KHDRBS1: variants seen among roughly 807,000 people sequenced by gnomAD.
The protein encoded by KHDRBS1 is KH RNA binding domain containing, signal transduction associated 1.
In KHDRBS1, 7 loss-of-function variants were observed where a neutral mutation model predicts 48.4. The observed-to-expected ratio is 0.14, with a 90% CI of 0.08 to 0.27. The LOEUF is 0.27. Among genes scored for constraint, KHDRBS1 ranks in the 10% least tolerant of loss-of-function variants. The pLI, the probability that KHDRBS1 is intolerant of heterozygous loss-of-function variation, is 1.00. For missense variants in KHDRBS1, 458 were observed against 601.2 expected (o/e 0.76, Z 2.49); for synonymous variants, 241 against 235.8 (o/e 1.02, Z -0.20).
At position 32,042,484 on chromosome 1, in the gene KHDRBS1, C is replaced by T. The variant is rs1403277235; in HGVS notation, c.1235-43C>T. 4 of 1,331,976 alleles carry T rather than the reference C, an allele frequency of 3.0e-6. No individual in the cohort carries two copies. In the South Asian group the frequency reaches 3.5e-5, roughly 12 times the overall value. The allele number at this position is 1,331,976 out of a possible 1,614,324, so 82.5% of individuals were successfully genotyped here. On this transcript the variant is annotated intron_variant, in intron 8 of 8. Transcript: ENST00000327300. ...ACCTATCCCTGCTTATCCCTAAGTG[C>T]TGTCGCCACATGGTTTATAAACTGT... is the stretch of plus-strand genomic sequence containing the variant.
chr1:32,021,642 G>C (rs1638860557), intron 1 of KHDRBS1, among the ~76,000 whole-genome samples: 1 of 151,968 alleles, frequency 6.6e-6, no homozygotes, highest in Non-Finnish European at 1.5e-5. Context: ...TTTGAAACAG[G>C]TTCTCACTAT....
At position 32,053,429 on chromosome 1, in the gene KHDRBS1, C is replaced by T. The variant is rs1401674165; in HGVS notation, n.1302-6734C>T. 3.3e-5 allele frequency among the ~76,000 whole-genome samples: 5 copies of T among 152,192 alleles called. No homozygotes were observed. In the East Asian group the frequency reaches 9.7e-4, roughly 29 times the overall value. On this transcript the variant is annotated intron_variant and non_coding_transcript_variant, in intron 10 of 10. Transcript: ENST00000484270. ...AATTACAGATGGGGTCTTGCTTTGC[C>T]ACCCAGGCTGGAGTGCGGTGGTGTG... is the stretch of plus-strand genomic sequence containing the variant.
chr1:32,030,870 T>A (rs957097499), intron 2 of KHDRBS1, among the ~76,000 whole-genome samples: 2 of 152,150 alleles, frequency 1.3e-5, no homozygotes, highest in African/African-American at 4.8e-5. Flanking sequence ...AGCATTTAGT[T>A]ACATTTAGTT....
intron 1 of KHDRBS1, among the ~76,000 whole-genome samples, chr1:32,019,292 G>T (rs559590883): frequency 6.6e-6 from 1 of 152,304 alleles, no homozygotes; most frequent in African/African-American, 2.4e-5. Context: ...TCTCACGCCT[G>T]TAATCCCAGC....
chr1:32,037,836 G>T lies in KHDRBS1; in HGVS notation c.907G>T (p.Gly303Cys), dbSNP rs1639212216. Residue 303 changes from glycine to cysteine, a missense_variant and splice_region_variant, in exon 6 of 9, where the codon GGC becomes TGC. Gly to Cys is a radical substitution (Grantham distance 159). Around this residue, in one of 3 missense-constraint regions of KHDRBS1, gnomAD observed 171 missense variants for 228.7 expected, o/e 0.75. Transcript: ENST00000327300. The stretch of plus-strand genomic sequence containing the variant: ...TTAAGATAAACTTTCATTTTGTAGG[G>T]GCCGTGGTGTTGGACCACCTCGGGG... ...AAPPPPPVPRGRGVGPPRGAL... is the reference protein window; with the variant it reads ...AAPPPPPVPRCRGVGPPRGAL... 1 of 1,612,732 alleles carries T rather than the reference G, an allele frequency of 6.2e-7. No homozygotes were observed. Among genetic ancestry groups the T allele is most frequent in the Non-Finnish European group, 8.5e-7 (1 of 1,179,028 alleles).
intron 3 of KHDRBS1, among the ~76,000 whole-genome samples, chr1:32,032,448 C>G (rs1445627031): frequency 1.3e-5 from 2 of 152,174 alleles, no homozygotes; most frequent in Non-Finnish European, 2.9e-5. Flanking sequence ...TCTTTCTTCC[C>G]CTACCACTCC....
intron 3 of KHDRBS1, 92 bp downstream of exon 3, chr1:32,031,732 T>C: frequency 2.8e-6 from 2 of 724,564 alleles, no homozygotes; most frequent in Non-Finnish European, 4.6e-6. Flanking sequence ...GGCAAGAATT[T>C]TGTATGTGTA....
intron 10 of KHDRBS1, among the ~76,000 whole-genome samples, chr1:32,055,269 G>A (rs1488424148): frequency 1.3e-5 from 2 of 152,126 alleles, no homozygotes; most frequent in Non-Finnish European, 2.9e-5. Flanking sequence ...CCAACATGGT[G>A]AAACCCCACC....
chr1:32,045,863 G>A (rs577435679), downstream of KHDRBS1, among the ~76,000 whole-genome samples: 1 of 152,320 alleles, frequency 6.6e-6, no homozygotes, highest in South Asian at 2.1e-4. Context: ...ACTATGTTGG[G>A]TCTCTTTCTG....
At chr1:32,056,884 A>G (rs958886155) in intron 10 of KHDRBS1, among the ~76,000 whole-genome samples, 2 of 152,224 alleles carry the variant, frequency 1.3e-5, no homozygotes, top group Non-Finnish European at 2.9e-5. Flanking sequence ...GCCGGTGAAC[A>G]ATATAAAATG....
At chr1:32,056,067 G>T (rs911440818) in intron 10 of KHDRBS1, among the ~76,000 whole-genome samples, 1 of 152,130 alleles carries the variant, frequency 6.6e-6, no homozygotes, top group African/African-American at 2.4e-5. Flanking sequence ...TTTCATAGCC[G>T]TGCTGCTAAG....
In KHDRBS1 at chr1:32,024,113, G is replaced by A. The variant is rs571644394; in HGVS notation, c.383-6185G>A. Among the ~76,000 whole-genome samples the A allele has an allele frequency of 3.3e-5, 5 of 152,220 alleles. No individual in the cohort carries two copies. The East Asian group carries it at 7.7e-4, about 24-fold the overall frequency. ...CTAAAAATACAAAATTTAGCTGGGC[G>A]TGGTGGCAGATGCTTGTAATCCCAG... On this transcript the variant is annotated intron_variant, in intron 1 of 8. Transcript: ENST00000327300.
intron 1 of KHDRBS1, among the ~76,000 whole-genome samples, chr1:32,027,137 G>A (rs1207814962): frequency 6.6e-6 from 1 of 152,010 alleles, no homozygotes; most frequent in Non-Finnish European, 1.5e-5. Flanking sequence ...TCACCACGTT[G>A]GCCAGGCTGG....
chr1:32,047,618 C>G (rs115370439), downstream of KHDRBS1, among the ~76,000 whole-genome samples: 2 of 152,164 alleles, frequency 1.3e-5, no homozygotes, highest in Non-Finnish European at 2.9e-5. Context: ...TAATACCTGA[C>G]ATTTATCACT....
In KHDRBS1 at chr1:32,033,195, A is replaced by G; in HGVS notation, c.632A>G (p.Glu211Gly). The change falls in exon 4 of 9, where the codon GAG becomes GGG. Residue 211 changes from glutamate to glycine, a missense_variant. Physicochemically the swap from Glu to Gly is moderately conservative, Grantham distance 98 (BLOSUM62 -2). Transcript: ENST00000327300. The part of the protein sequence containing the change: ...GSMRDKAKEE[E>G]LRKGGDPKYA... Reference sequence around the variant, plus strand: ...CTCTGCATTTTTCCATAGGAGGAAGAGCTGCGCAAAGGTGGAGACCCCAAA... The same window carrying G: ...CTCTGCATTTTTCCATAGGAGGAAGGGCTGCGCAAAGGTGGAGACCCCAAA... The G allele has an allele frequency of 6.2e-7, 1 of 1,613,618 alleles. No individual in the cohort carries two copies. The highest frequency in any genetic ancestry group is 8.5e-7 in the Non-Finnish European group (1 of 1,179,586).
chr1:32,019,644 T>C (rs1262628665), intron 1 of KHDRBS1, among the ~76,000 whole-genome samples: 1 of 152,220 alleles, frequency 6.6e-6, no homozygotes, highest in East Asian at 1.9e-4. Context: ...TCTAATGTTA[T>C]ATGAAGAAAG....
intron 1 of KHDRBS1, among the ~76,000 whole-genome samples, chr1:32,025,227 C>T (rs1376215524): frequency 2.0e-5 from 3 of 147,632 alleles, no homozygotes; most frequent in African/African-American, 7.5e-5. Flanking sequence ...TATTGTGCCA[C>T]TCATTCCAGC....
chr1:32,059,721 A>G (rs1286918396), intron 10 of KHDRBS1, among the ~76,000 whole-genome samples: 1 of 152,144 alleles, frequency 6.6e-6, no homozygotes, highest in South Asian at 2.1e-4. Context: ...TGAGTTACCA[A>G]TAATAGTGAT....
At chr1:32,028,291 G>A (rs1466551614) in intron 1 of KHDRBS1, among the ~76,000 whole-genome samples, 1 of 151,890 alleles carries the variant, frequency 6.6e-6, no homozygotes, top group Non-Finnish European at 1.5e-5. Flanking sequence ...ACAAATCCCA[G>A]ACTGGCTTTG....
Sources: gnomAD v4.1 joint callset for allele counts (sites outside exome capture counted in the v4.1 genomes callset) on GRCh38, gnomAD v4.1.1 for gene constraint, gnomAD v4.1.1 regional missense constraint, MANE v1.5 for transcripts, NCBI Gene and HGNC (gene_info 2026-07-23, HGNC 2026-07-21) for gene names.